DCDC2: variants seen among roughly 807,000 people sequenced by gnomAD.
DCDC2 encodes doublecortin domain containing 2.
DCDC2 carries 40 observed loss-of-function variants against 50.2 expected under a neutral mutation model. That is an observed-to-expected ratio of 0.80 (90% CI 0.62 to 1.04). DCDC2 has a LOEUF of 1.04. DCDC2 is among the 50% of genes least tolerant of loss of function. The pLI is 0.00. For missense variants in DCDC2, 570 were observed against 581.9 expected, an observed-to-expected ratio of 0.98 and a Z score of 0.21; for synonymous variants, 234 against 210.6, an observed-to-expected ratio of 1.11 and a Z score of -0.96.
At chr6:24,350,760 T>A (rs1243264615) in intron 2 of DCDC2, among the ~76,000 whole-genome samples, 1 of 152,198 alleles carries the variant, frequency 6.6e-6, no homozygotes, top group Non-Finnish European at 1.5e-5. Context: ...TCCCTTTATA[T>A]ATCATCATAC....
intron 7 of DCDC2, among the ~76,000 whole-genome samples, chr6:24,276,648 G>C (rs1338242068): frequency 6.6e-6 from 1 of 152,058 alleles, no homozygotes; most frequent in African/African-American, 2.4e-5. Flanking sequence ...CTTATTTTTA[G>C]TGTTCAAGGT....
At chr6:24,177,066 A>C (rs774628474) in intron 9 of DCDC2, among the ~76,000 whole-genome samples, 3 of 152,232 alleles carry the variant, frequency 2.0e-5, no homozygotes, top group Admixed American at 6.5e-5. Flanking sequence ...GGATCTTACT[A>C]TCTAGTCCCA....
At chr6:24,342,631 T>C (rs1760180722) in intron 2 of DCDC2, among the ~76,000 whole-genome samples, 1 of 152,186 alleles carries the variant, frequency 6.6e-6, no homozygotes, top group South Asian at 2.1e-4. Flanking sequence ...TATTTCTATT[T>C]AAAATAGATA....
intron 2 of DCDC2, among the ~76,000 whole-genome samples, chr6:24,305,794 A>AT (rs1759459808): frequency 6.6e-6 from 1 of 151,884 alleles, no homozygotes; most frequent in Admixed American, 6.6e-5. Context: ...TGGGAGGCCA[A>AT]GGGGGGGTGG....
chr6:24,339,017 T>TG (rs1351155192), intron 2 of DCDC2, among the ~76,000 whole-genome samples: 3 of 132,710 alleles, frequency 2.3e-5, no homozygotes, highest in African/African-American at 1.0e-4. Flanking sequence ...CTACCTCCCA[T>TG]GCCTTATCTC....
chr6:24,326,159 A>G (rs1345186603), intron 2 of DCDC2, among the ~76,000 whole-genome samples: 3 of 80,716 alleles, frequency 3.7e-5, no homozygotes, highest in African/African-American at 1.1e-4. Context: ...AAGGAAAGAG[A>G]GGAAGGAAAG....
intron 7 of DCDC2, among the ~76,000 whole-genome samples, chr6:24,274,976 T>G (rs1228930753): frequency 6.6e-6 from 1 of 152,154 alleles, no homozygotes; most frequent in East Asian, 1.9e-4. Context: ...AATATCAAAT[T>G]TAAAATACAT....
chr6:24,328,610 A>G (rs368493793), intron 2 of DCDC2, among the ~76,000 whole-genome samples: 24 of 152,276 alleles, frequency 1.6e-4, no homozygotes, highest in African/African-American at 5.1e-4. Context: ...CAGCTGCTAA[A>G]TTTTATGGTT....
intron 7 of DCDC2, among the ~76,000 whole-genome samples, chr6:24,211,854 G>T (rs955763320): frequency 6.6e-6 from 1 of 152,156 alleles, no homozygotes; most frequent in Non-Finnish European, 1.5e-5. Flanking sequence ...TTGTTTTAAG[G>T]CACCATGTTT....
intron 8 of DCDC2, among the ~76,000 whole-genome samples, chr6:24,184,953 T>C (rs1191763100): frequency 1.3e-5 from 2 of 152,164 alleles, no homozygotes; most frequent in Non-Finnish European, 2.9e-5. Flanking sequence ...CTGGATATGG[T>C]CCTCGCCTCT....
At chr6:24,177,505 G>A (rs1760951169) in intron 9 of DCDC2, among the ~76,000 whole-genome samples, 1 of 152,198 alleles carries the variant, frequency 6.6e-6, no homozygotes, top group Admixed American at 6.5e-5. Flanking sequence ...TTACAGCCTT[G>A]AGGGAGGTGG....
At chr6:24,235,203 G>A (rs1378471424) in intron 7 of DCDC2, among the ~76,000 whole-genome samples, 1 of 152,182 alleles carries the variant, frequency 6.6e-6, no homozygotes, top group Non-Finnish European at 1.5e-5. Flanking sequence ...GGGGGCCACA[G>A]AACACTGAGT....
intron 2 of DCDC2, 24 bp from the exon 3 acceptor site, chr6:24,302,068 T>G: frequency 6.3e-7 from 1 of 1,591,874 alleles, no homozygotes. Flanking sequence ...GGAAAAAAAA[T>G]ATAAACCACT....
intron 6 of DCDC2, among the ~76,000 whole-genome samples, chr6:24,283,231 T>C (rs1763516415): frequency 6.6e-6 from 1 of 152,242 alleles, no homozygotes; most frequent in South Asian, 2.1e-4. Context: ...ATAATTTATT[T>C]ACATCTTCCT....
In DCDC2 at chr6:24,357,966, T is replaced by C; in HGVS notation, c.-216A>G. 3.4e-6 allele frequency: 5 copies of C among 1,483,326 alleles called. No homozygotes were observed. Among genetic ancestry groups the C allele is most frequent in the Non-Finnish European group, 4.5e-6 (5 of 1,115,664 alleles). The allele number at this position is 1,483,326 out of a possible 1,614,324, so 91.9% of individuals were successfully genotyped here. ...CAGGACTCGGAGTAGACGCTCAAGT[T>C]TTTCACCGTGGCGTGCACAGCCAAT... is the stretch of plus-strand genomic sequence containing the variant. On this transcript the variant is annotated 5_prime_UTR_variant, in exon 1 of 10. Coordinates refer to ENST00000378454, the MANE Select transcript of DCDC2 (RefSeq NM_016356.5).
chr6:24,296,428 A>C (rs1346179620), intron 4 of DCDC2, among the ~76,000 whole-genome samples: 2 of 152,226 alleles, frequency 1.3e-5, no homozygotes, highest in Non-Finnish European at 2.9e-5. Context: ...TAAAGATTTC[A>C]TGACAAAGAC....
chr6:24,278,280 T>C, intron 6 of DCDC2, 69 bp from the exon 7 acceptor site: 2 of 1,403,948 alleles, frequency 1.4e-6, no homozygotes, highest in African/African-American at 1.4e-5. Context: ...AGTAAATACA[T>C]GTCATTAACT....
chr6:24,333,226 T>C (rs181433885), intron 2 of DCDC2, among the ~76,000 whole-genome samples: 82 of 152,294 alleles, frequency 5.4e-4, no homozygotes, highest in Non-Finnish European at 8.7e-4. Flanking sequence ...CATTGCATTT[T>C]ATTCTTCCAA....
chr6:24,179,246 G>A (rs1019091451), intron 8 of DCDC2, among the ~76,000 whole-genome samples: 5 of 152,056 alleles, frequency 3.3e-5, no homozygotes, highest in Admixed American at 6.6e-5. Flanking sequence ...TGTCCTCTCT[G>A]TAAGAATAAT....
Sources: allele counts gnomAD v4.1 joint callset (sites outside exome capture counted in the v4.1 genomes callset), GRCh38; gene constraint gnomAD v4.1.1; transcripts MANE v1.5; gene names NCBI Gene and HGNC (gene_info 2026-07-23, HGNC 2026-07-21).